The following EPM2A variants were observed in gnomAD, a reference collection of about 807,000 sequenced individuals.
The protein encoded by EPM2A is EPM2A glucan phosphatase, laforin, also known as laforin.
A neutral mutation model predicts 26.5 loss-of-function variants in EPM2A; 21 were observed. That is an observed-to-expected ratio of 0.79 (90% CI 0.56 to 1.14). The LOEUF is 1.14. EPM2A is among the 50% of genes most tolerant of loss of function. The pLI is 0.00. For missense variants in EPM2A, 458 were observed against 440.8 expected, an observed-to-expected ratio of 1.04 and a Z score of -0.35; for synonymous variants, 217 against 177.6, an observed-to-expected ratio of 1.22 and a Z score of -1.76.
At chr6:145,689,353 A>T (rs1781130338) in intron 1 of EPM2A, among the ~76,000 whole-genome samples, 1 of 152,220 alleles carries the variant, frequency 6.6e-6, no homozygotes, top group Non-Finnish European at 1.5e-5. Flanking sequence ...CTATGGAATA[A>T]ATGTACTTTT....
At chr6:145,670,074 C>A (rs1013023012) in intron 2 of EPM2A, among the ~76,000 whole-genome samples, 9 of 152,292 alleles carry the variant, frequency 5.9e-5, no homozygotes, top group Middle Eastern at 3.4e-3. Flanking sequence ...TTCACTCTTG[C>A]TTACACACAG....
intron 2 of EPM2A, among the ~76,000 whole-genome samples, chr6:145,533,793 T>C (rs1266938362): frequency 1.3e-5 from 2 of 152,208 alleles, no homozygotes; most frequent in Non-Finnish European, 2.9e-5. Context: ...CCACCATTTG[T>C]CTTCTGCACA....
intron 2 of EPM2A, among the ~76,000 whole-genome samples, chr6:145,536,332 G>C (rs550282665): frequency 3.3e-5 from 5 of 151,526 alleles, no homozygotes; most frequent in East Asian, 3.9e-4. Flanking sequence ...GTCTCACTCT[G>C]TCACCCAGGC....
At chr6:145,708,641 G>A (rs937985268) in intron 1 of EPM2A, among the ~76,000 whole-genome samples, 5 of 152,206 alleles carry the variant, frequency 3.3e-5, no homozygotes, top group South Asian at 2.1e-4. Context: ...GAAAAGCCTG[G>A]ATGCCCAGGA....
At chr6:145,635,950 T>A (rs942408037) in intron 2 of EPM2A, 6 of 189,004 alleles carry the variant, frequency 3.2e-5, no homozygotes, top group Admixed American at 2.7e-4. Flanking sequence ...TTTTAACATA[T>A]GCTAAAGAAC....
chr6:145,514,898 C>T (rs1780104748), intron 2 of EPM2A, among the ~76,000 whole-genome samples: 1 of 152,206 alleles, frequency 6.6e-6, no homozygotes, highest in Non-Finnish European at 1.5e-5. Context: ...AGCCACTCAT[C>T]TACTCCTACC....
rs191048671 is a variant in EPM2A, at chr6:145,393,328, A to G, written c.556-9231T>C. On this transcript the variant is annotated intron_variant, in intron 4 of 4. Transcript: ENST00000638717. Reference sequence around the variant, plus strand: ...ACTAAACAACAAGCCCCATCTAAGGAGCAAAAGACACAGCAGAGCCTGACA... The same window carrying G: ...ACTAAACAACAAGCCCCATCTAAGGGGCAAAAGACACAGCAGAGCCTGACA... Among the ~76,000 whole-genome samples, 8 of 152,264 alleles carry G rather than the reference A, an allele frequency of 5.3e-5. No homozygotes were observed. The East Asian group carries it at 1.5e-3, about 29-fold the overall frequency.
At chr6:145,729,104 T>A (rs954909670) in intron 1 of EPM2A, among the ~76,000 whole-genome samples, 3 of 152,212 alleles carry the variant, frequency 2.0e-5, no homozygotes, top group Non-Finnish European at 2.9e-5. Context: ...GGCAAGAGTT[T>A]AGGCTTGGGA....
chr6:145,517,790 C>T (rs1031495650), intron 2 of EPM2A, among the ~76,000 whole-genome samples: 1 of 152,092 alleles, frequency 6.6e-6, no homozygotes, highest in African/African-American at 2.4e-5. Context: ...CCTATTTGAA[C>T]AGAAATATGG....
intron 2 of EPM2A, among the ~76,000 whole-genome samples, chr6:145,532,854 C>T (rs1254093484): frequency 2.0e-5 from 3 of 152,144 alleles, no homozygotes; most frequent in Non-Finnish European, 2.9e-5. Context: ...CACTTCCTCG[C>T]GAACACCTAG....
chr6:145,496,116 T>C (rs1014730233), intron 4 of EPM2A, among the ~76,000 whole-genome samples: 8 of 152,202 alleles, frequency 5.3e-5, no homozygotes, highest in African/African-American at 1.9e-4. Flanking sequence ...TTTAAGAATG[T>C]TGAATATTAG....
intron 1 of EPM2A, chr6:145,705,611 C>A: frequency 2.2e-6 from 1 of 455,122 alleles, no homozygotes; most frequent in South Asian, 1.6e-5. Context: ...TGTTAGAGTT[C>A]ATTATAGATT....
rs1780893400 is a variant in EPM2A, at chr6:145,686,161, T to C, written c.437A>G (p.Tyr146Cys). ...GGCTTGGTGGCCTGCAATATTAAAA[T>C]AGAAGTCTGTTGTGTGCTTCATTTC... ...TNEMKHTTDF[Y>C]FNIAGHQAMH... The change falls in exon 2 of 4, where the codon TAT becomes TGT. Residue 146 changes from tyrosine (Y) to cysteine (C), a missense_variant. Physicochemically the swap from Tyr to Cys is radical, Grantham distance 194. Transcript: ENST00000367519. 3 of 1,614,028 alleles carry C rather than the reference T, an allele frequency of 1.9e-6. No individual in the cohort carries two copies. Among genetic ancestry groups the C allele is most frequent in the South Asian group, 1.1e-5 (1 of 91,084 alleles).
chr6:145,526,597 G>A (rs886214528), intron 2 of EPM2A, among the ~76,000 whole-genome samples: 3 of 151,890 alleles, frequency 2.0e-5, no homozygotes, highest in South Asian at 4.1e-4. Context: ...TTTGTAATAG[G>A]TTCTGAGGAA....
intron 1 of EPM2A, among the ~76,000 whole-genome samples, chr6:145,709,468 C>A (rs1034210618): frequency 1.3e-5 from 2 of 152,162 alleles, no homozygotes; most frequent in Non-Finnish European, 2.9e-5. Context: ...AGTTCTCCTG[C>A]ACACACTCTC....
chr6:145,556,296 C>T (rs1195997083), intron 2 of EPM2A, among the ~76,000 whole-genome samples: 1 of 152,136 alleles, frequency 6.6e-6, no homozygotes, highest in African/African-American at 2.4e-5. Context: ...GGGTTAACCA[C>T]TACTGAAGTA....
chr6:145,391,816 C>CCCACTTTTAGGCTGAAGATCTT (rs1778340245), intron 4 of EPM2A, among the ~76,000 whole-genome samples: 1 of 152,138 alleles, frequency 6.6e-6, no homozygotes, highest in East Asian at 1.9e-4. Flanking sequence ...CCCAAGATCT[C>CCCACTTTTAGGCTGAAGATCTT]CCACTTTTAG....
Position 145,527,393 on chromosome 6 carries a change from GC to G in EPM2A, c.341-24819del, listed in dbSNP as rs749920411. ...CAAATGCTGTCAGTGGGGTGTTGAA[GC>G]CCCCCTCTATTATTGTGTGGCTTTC... On this transcript the variant is annotated intron_variant, in intron 2 of 3. Transcript: ENST00000450221. Among the ~76,000 whole-genome samples the G allele has an allele frequency of 3.3e-5, 5 of 152,124 alleles. No individual in the cohort carries two copies. In the East Asian group the frequency reaches 9.7e-4, roughly 29 times the overall value.
At chr6:145,635,659 T>G in intron 2 of EPM2A, 173 bp from the exon 3 acceptor site, 1 of 635,984 alleles carries the variant, frequency 1.6e-6, no homozygotes, top group Middle Eastern at 4.4e-4. Flanking sequence ...AAAGTACTGG[T>G]GTTGCTGCTT....
Sources: allele counts gnomAD v4.1 joint callset (sites outside exome capture counted in the v4.1 genomes callset), GRCh38; gene constraint gnomAD v4.1.1; transcripts MANE v1.5; gene names NCBI Gene and HGNC (gene_info 2026-07-23, HGNC 2026-07-21).